PTCD1: variants seen among roughly 807,000 people sequenced by gnomAD.
PTCD1 encodes the protein pentatricopeptide repeat-containing protein 1, mitochondrial.
In PTCD1, 50 loss-of-function variants were observed where a neutral mutation model predicts 53.4. The observed-to-expected ratio is 0.94, with a 90% confidence interval of 0.75 to 1.19. The LOEUF (loss-of-function observed/expected upper bound fraction) is 1.19. Among genes scored for constraint, PTCD1 ranks in the 50% most tolerant of loss-of-function variants. The pLI is 0.00. For synonymous variants in PTCD1, 413 were observed against 394.8 expected, an observed-to-expected ratio of 1.05 and a Z score of -0.55; for missense variants, 918 against 904.8, an observed-to-expected ratio of 1.01 and a Z score of -0.19.
At position 99,417,219 on chromosome 7, in the gene PTCD1, AT is replaced by A; in HGVS notation, c.*2747del. 1 of 470,786 alleles carries A rather than the reference AT, an allele frequency of 2.1e-6. No individual in the cohort carries two copies. Among genetic ancestry groups the A allele is most frequent in the South Asian group, 2.1e-5 (1 of 47,948 alleles). 29.2% of individuals were successfully genotyped at this position (470,786 alleles called of 1,614,324 possible). A position where few individuals can be genotyped will look rare whatever the true frequency, so the allele number is the denominator to read the frequency against. On this transcript the variant is annotated 3_prime_UTR_variant, in exon 8 of 8. Transcript: ENST00000292478. ...TTACAGCTGCTACCACGCCCGAGTA[AT>A]TTTTGTATTTTTAGTAGAGACGGGG...
chr7:99,437,037 T>G (rs955987347), intron 1 of PTCD1, among the ~76,000 whole-genome samples: 1 of 152,214 alleles, frequency 6.6e-6, no homozygotes, highest in African/African-American at 2.4e-5. Flanking sequence ...TCTAATTTTT[T>G]GTATTTTTTT....
At chr7:99,426,390 C>T (rs1217865312) in intron 5 of PTCD1, among the ~76,000 whole-genome samples, 1 of 152,228 alleles carries the variant, frequency 6.6e-6, no homozygotes, top group Non-Finnish European at 1.5e-5. Context: ...CGGGGTTTCG[C>T]TGTGTTGGCC....
chr7:99,424,845 T>C lies in PTCD1; in HGVS notation c.1687A>G (p.Ile563Val), dbSNP rs746143318. ...PNLQTFCNLA[I>V]GCHRPKDGLQ... ...CCGTCCTTCGGCCTGTGGCACCCGA[T>C]GGCCAGGTTGCAGAATGTCTGCAGG... The change falls in exon 6 of 8, where the codon ATC becomes GTC. Residue 563 changes from isoleucine (I) to valine (V), a missense_variant. By Grantham distance (29) the Ile-to-Val change is conservative. Coordinates refer to ENST00000292478, the MANE Select transcript of PTCD1 (RefSeq NM_015545.4). 32 of 1,614,134 alleles carry C rather than the reference T, an allele frequency of 2.0e-5. No homozygotes were observed. The highest frequency in any genetic ancestry group is 4.2e-6 in the Non-Finnish European group (5 of 1,180,050).
At chr7:99,437,733 C>T (rs1039887929) in intron 1 of PTCD1, among the ~76,000 whole-genome samples, 2 of 152,080 alleles carry the variant, frequency 1.3e-5, no homozygotes, top group African/African-American at 4.8e-5. Flanking sequence ...GGTACAATCT[C>T]GGCTCAATGC....
rs747095199 is a variant in PTCD1 at position 99,429,211 on chromosome 7, G to A, written c.814-7C>T. 47 of 1,613,946 alleles carry A rather than the reference G, an allele frequency of 2.9e-5. No individual in the cohort carries two copies. The highest frequency in any genetic ancestry group is 3.6e-5 in the Non-Finnish European group (43 of 1,179,974). ...GCCCTTTGTGGATGATTTCCTGGGGGAGGGAACAAAGACGTCCCACTGAGA... is the reference window on the plus strand; with the variant it reads ...GCCCTTTGTGGATGATTTCCTGGGGAAGGGAACAAAGACGTCCCACTGAGA... On this transcript the variant is annotated splice_polypyrimidine_tract_variant and splice_region_variant and intron_variant, in intron 4 of 7. Coordinates refer to ENST00000292478, the MANE Select transcript of PTCD1 (RefSeq NM_015545.4).
Position 99,433,173 on chromosome 7 carries a change from G to A in PTCD1, c.594+105C>T, listed in dbSNP as rs1429416376. On this transcript the variant is annotated intron_variant, in intron 3 of 7. Transcript: ENST00000292478. ...TTAAGGAGATGACTCTGAGGCCAGG[G>A]AGGTGAAGTCACCTGCCCAGTGTAA... is the stretch of plus-strand genomic sequence containing the variant. The A allele has an allele frequency of 2.1e-5, 32 of 1,559,534 alleles. No homozygotes were observed. The Middle Eastern group carries it at 5.0e-4, about 24-fold the overall frequency.
chr7:99,423,799 G>T lies in PTCD1; in HGVS notation c.1896C>A (p.Ala632=), dbSNP rs767256780. The T allele has an allele frequency of 1.9e-6, 3 of 1,614,124 alleles. No homozygotes were observed. In the Admixed American group the frequency reaches 5.0e-5, roughly 27 times the overall value. ...EVVIRQLEFA[A]QYPPTFDRYQ... The stretch of plus-strand genomic sequence containing the variant: ...CCCGGTCAAAGGTGGGAGGGTACTG[G>T]GCTGCAAACTCCAGCTGGCGGATGA... The change falls in exon 7 of 8, where the codon GCC becomes GCA. Residue 632 remains alanine (A), a synonymous_variant. Transcript: ENST00000292478.
Position 99,433,291 on chromosome 7 carries a change from T to G in PTCD1, c.581A>C (p.Asn194Thr). ...GCCCACATGCACCTGGTTGTAGAGG[T>G]TGAAGGCCTTCTTCAGGTAGCCAAC... ...GRVGYLKKAF[N>T]LYNQMKKRDL... The change falls in exon 3 of 8, where the codon AAC becomes ACC. Residue 194 changes from asparagine (N) to threonine (T), a missense_variant. Coordinates refer to ENST00000292478, the MANE Select transcript of PTCD1 (RefSeq NM_015545.4). 11 of 1,613,938 alleles carry G rather than the reference T, an allele frequency of 6.8e-6. No homozygotes were observed. The highest frequency in any genetic ancestry group is 8.5e-6 in the Non-Finnish European group (10 of 1,179,994).
At chr7:99,438,473 G>T in intron 1 of PTCD1, 1 of 1,069,296 alleles carries the variant, frequency 9.4e-7, no homozygotes, top group Non-Finnish European at 1.1e-6. Context: ...CTGAATTAGA[G>T]ACACGCTGCG....
At chr7:99,429,267 G>A in intron 4 of PTCD1, 63 bp from the exon 5 acceptor site, 2 of 1,591,366 alleles carry the variant, frequency 1.3e-6, no homozygotes, top group South Asian at 1.1e-5. Flanking sequence ...GGTAGCTCAT[G>A]TCTGTAATCC....
At position 99,423,884 on chromosome 7, in the gene PTCD1, GTGTAGTT is replaced by G; in HGVS notation, c.1804_1810del (p.Asn602ProfsTer7). 6.2e-7 allele frequency: 1 copy of G among 1,614,192 alleles called. No individual in the cohort carries two copies. The highest frequency in any genetic ancestry group is 1.1e-5 in the South Asian group (1 of 91,078). ...GTCCTTCAAGATGCTGATGAGATAG[GTGTAGTT>G]CAGCTTCCTGATGGCCGCGTTGATG... is the stretch of plus-strand genomic sequence containing the variant. On this transcript the variant is annotated frameshift_variant, in exon 7 of 8. Transcript: ENST00000292478. LOFTEE classifies it high-confidence loss of function.
At chr7:99,423,707 T>A in intron 7 of PTCD1, 68 bp downstream of exon 7, 2 of 1,606,328 alleles carry the variant, frequency 1.2e-6, no homozygotes, top group Non-Finnish European at 1.7e-6. Flanking sequence ...AGAACCGGGG[T>A]TGGGTGGTGG....
Position 99,416,783 on chromosome 7 carries a change from C to G in PTCD1, c.*3184G>C, listed in dbSNP as rs532762524. 1 of 145,836 alleles carries G rather than the reference C, an allele frequency of 6.9e-6. No individual in the cohort carries two copies. Among genetic ancestry groups the G allele is most frequent in the East Asian group, 2.0e-4 (1 of 4,900 alleles). The allele number at this position is 145,836 out of a possible 1,614,324, so 9.0% of individuals were successfully genotyped here. A position where few individuals can be genotyped will look rare whatever the true frequency, so the allele number is the denominator to read the frequency against. ...TTCCACAGGCTGGAGTGCAGTGGTG[C>G]AATGATGGCTCACTGCAGCCTCAAC... On this transcript the variant is annotated 3_prime_UTR_variant, in exon 8 of 8. Coordinates refer to ENST00000292478, the MANE Select transcript of PTCD1 (RefSeq NM_015545.4).
At chr7:99,438,580 G>A in intron 1 of PTCD1, 112 bp downstream of exon 1, 1 of 1,133,924 alleles carries the variant, frequency 8.8e-7, no homozygotes, top group Non-Finnish European at 1.1e-6. Context: ...TGCAGCCTCA[G>A]TTTCCCTCCT....
chr7:99,427,212 C>T (rs1796074549), intron 5 of PTCD1, among the ~76,000 whole-genome samples: 2 of 147,286 alleles, frequency 1.4e-5, no homozygotes, highest in Non-Finnish European at 1.5e-5. Context: ...CCAGCCGCCC[C>T]GTCCGGGAGG....
At chr7:99,421,466 A>G (rs941190013) in intron 7 of PTCD1, among the ~76,000 whole-genome samples, 2 of 149,492 alleles carry the variant, frequency 1.3e-5, no homozygotes, top group African/African-American at 4.9e-5. Context: ...AAAATGCGGC[A>G]CGGCATGGGG....
At position 99,423,764 on chromosome 7, in the gene PTCD1, G is replaced by C. The variant is rs1795916135; in HGVS notation, c.1920+11C>G. The C allele has an allele frequency of 6.2e-7, 1 of 1,613,650 alleles. No individual in the cohort carries two copies. Among genetic ancestry groups the C allele is most frequent in the Non-Finnish European group, 8.5e-7 (1 of 1,180,004 alleles). On this transcript the variant is annotated intron_variant, in intron 7 of 7. Coordinates refer to ENST00000292478, the MANE Select transcript of PTCD1 (RefSeq NM_015545.4). ...AAGGAGCTGATGAGCTTTTGAGCTTGGGGCACACACCCGGTCAAAGGTGGG... is the reference window on the plus strand; with the variant it reads ...AAGGAGCTGATGAGCTTTTGAGCTTCGGGCACACACCCGGTCAAAGGTGGG...
At position 99,417,725 on chromosome 7, in the gene PTCD1, C is replaced by T. The variant is rs988720521; in HGVS notation, c.*2242G>A. ...TCCCTGGATGTCCTGCTGGCTCTCC[C>T]TCGTGGGAGTGGGTCCCTGTATTCA... is the stretch of plus-strand genomic sequence containing the variant. On this transcript the variant is annotated 3_prime_UTR_variant, in exon 8 of 8. Transcript: ENST00000292478. 3.9e-6 allele frequency: 6 copies of T among 1,538,006 alleles called. No individual in the cohort carries two copies. Among genetic ancestry groups the T allele is most frequent in the Non-Finnish European group, 5.2e-6 (6 of 1,147,638 alleles).
At chr7:99,423,308 G>A (rs1455753394) in intron 7 of PTCD1, among the ~76,000 whole-genome samples, 3 of 152,112 alleles carry the variant, frequency 2.0e-5, no homozygotes, top group Admixed American at 6.6e-5. Flanking sequence ...CCTGATACAG[G>A]GAAGGCCAGG....
Sources: allele counts gnomAD v4.1 joint callset (sites outside exome capture counted in the v4.1 genomes callset), GRCh38; gene constraint gnomAD v4.1.1; transcripts MANE v1.5; gene names NCBI Gene and HGNC (gene_info 2026-07-23, HGNC 2026-07-21).